ALKBH2: variants seen among roughly 807,000 people sequenced by gnomAD.
The protein encoded by ALKBH2 is alkB homolog 2, alpha-ketoglutarate dependent dioxygenase.
ALKBH2 carries 19 observed loss-of-function variants against 19.7 expected under a neutral mutation model. The ratio of observed to expected loss-of-function variants is 0.97; its 90% CI spans 0.67 to 1.42. The LOEUF (loss-of-function observed/expected upper bound fraction) is 1.42, where lower values mean the gene tolerates loss of function less well. ALKBH2 is among the 40% of genes most tolerant of loss of function. ALKBH2 has a pLI of 0.00. For missense variants in ALKBH2, 310 were observed against 328.5 expected (o/e 0.94, Z 0.43); for synonymous variants, 135 against 131.2 (o/e 1.03, Z -0.20).
At chr12:109,091,130 A>T (rs989330900) in intron 2 of ALKBH2, among the ~76,000 whole-genome samples, 19 of 152,180 alleles carry the variant, frequency 1.2e-4, no homozygotes, top group African/African-American at 4.6e-4. Flanking sequence ...GCGCTGGCTC[A>T]TGCTTGCAAT....
rs1188812368 is a variant in ALKBH2 at position 109,092,700 on chromosome 12, C to T, written c.87G>A (p.Val29=). ...TTGTGCTTTCTTTGTCTCCTCCCAACACAGCTGGCTCTTCTCCAGTTGGCT... is the reference window on the plus strand; with the variant it reads ...TTGTGCTTTCTTTGTCTCCTCCCAATACAGCTGGCTCTTCTCCAGTTGGCT... ...EQEPTGEEPA[V]LGGDKESTRK... The change falls in exon 2 of 4, where the codon GTG becomes GTA. Residue 29 remains valine, a synonymous_variant. Coordinates refer to ENST00000429722, the MANE Select transcript of ALKBH2 (RefSeq NM_001145374.2). 1 of 1,614,238 alleles carries T rather than the reference C, an allele frequency of 6.2e-7. No individual in the cohort carries two copies. The highest frequency in any genetic ancestry group is 1.1e-5 in the South Asian group (1 of 91,090).
intron 3 of ALKBH2, chr12:109,089,746 C>T (rs932104692): frequency 4.9e-5 from 23 of 467,342 alleles, no homozygotes; most frequent in African/African-American, 3.8e-4. Context: ...AAAACCCTGT[C>T]TCAAAAAAAA....
intron 3 of ALKBH2, 38 bp downstream of exon 3, chr12:109,089,971 A>G: frequency 6.2e-7 from 1 of 1,608,872 alleles, no homozygotes; most frequent in Non-Finnish European, 8.5e-7. Context: ...GAGGAGACAG[A>G]AGACTTGTAA....
At position 109,088,770 on chromosome 12, in the gene ALKBH2, A is replaced by T. The variant is rs1471506463; in HGVS notation, c.480-258T>A. Among the ~76,000 whole-genome samples, 1 of 152,244 alleles carries T rather than the reference A, an allele frequency of 6.6e-6. No individual in the cohort carries two copies. The highest frequency in any genetic ancestry group is 6.5e-5 in the Admixed American group (1 of 15,284). ...CGCTCTGTCACCCAGGCTGAAGTGC[A>T]GTGGCACAATCATAGCTCACTGCAG... On this transcript the variant is annotated intron_variant, in intron 3 of 3. Coordinates refer to ENST00000429722, the MANE Select transcript of ALKBH2 (RefSeq NM_001145374.2). This position sits in a 1 kb window ranked among gnomAD's most constrained non-coding sequence, Gnocchi z 4.2.
chr12:109,088,438 G>A lies in ALKBH2; in HGVS notation c.554C>T (p.Ala185Val). 4 of 1,613,544 alleles carry A rather than the reference G, an allele frequency of 2.5e-6. No homozygotes were observed. The highest frequency in any genetic ancestry group is 3.4e-6 in the Non-Finnish European group (4 of 1,179,768). Residue 185 changes from alanine to valine, a missense_variant, in exon 4 of 4, where the codon GCC becomes GTC. Transcript: ENST00000429722. This position sits in a 1 kb window ranked among gnomAD's most constrained non-coding sequence, Gnocchi z 4.2. ...ERELAPGSPIASVSFGACRDF... is the reference protein window; with the variant it reads ...ERELAPGSPIVSVSFGACRDF... ...TCTGCAGGCACCGAAGGAGACAGAGGCAATGGGGCTCCCAGGGGCCAGTTC... is the reference window on the plus strand; with the variant it reads ...TCTGCAGGCACCGAAGGAGACAGAGACAATGGGGCTCCCAGGGGCCAGTTC...
At chr12:109,091,884 C>T (rs1202944983) in intron 2 of ALKBH2, among the ~76,000 whole-genome samples, 3 of 152,192 alleles carry the variant, frequency 2.0e-5, no homozygotes, top group African/African-American at 2.4e-5. Context: ...CTGCCAGATC[C>T]TTGTGTCCTC....
chr12:109,088,360 A>G lies in ALKBH2; in HGVS notation c.632T>C (p.Val211Ala). The G allele has an allele frequency of 1.2e-6, 2 of 1,613,878 alleles. No individual in the cohort carries two copies. The highest frequency in any genetic ancestry group is 1.7e-6 in the Non-Finnish European group (2 of 1,179,976). The change falls in exon 4 of 4, where the codon GTG (valine) becomes GCG (alanine). Residue 211 changes from valine (V) to alanine (A), a missense_variant. Physicochemically the swap from Val to Ala is moderately conservative, Grantham distance 64. Coordinates refer to ENST00000429722, the MANE Select transcript of ALKBH2 (RefSeq NM_001145374.2). The surrounding 1 kb of genome is among the most constrained non-coding windows in gnomAD (Gnocchi z 4.2). ...DSRGKSPSRRVAVVRLPLAHG... is the reference protein window; with the variant it reads ...DSRGKSPSRRAAVVRLPLAHG... ...GGCCAGCGGCAGCCTGACCACCGCC[A>G]CCCTCCTGGAGGGGCTTTTCCCACG...
At chr12:109,093,139 A>T (rs373723833) in intron 1 of ALKBH2, 108 bp downstream of exon 1, 4 of 226,748 alleles carry the variant, frequency 1.8e-5, no homozygotes, top group African/African-American at 9.2e-5. Flanking sequence ...TAGAAACTAC[A>T]ATCCAAACCC....
rs1413922118 is a variant in ALKBH2 at position 109,090,059 on chromosome 12, AT to A, written c.428del (p.Asp143ValfsTer6). On this transcript the variant is annotated frameshift_variant, in exon 3 of 4. Transcript: ENST00000429722. LOFTEE classifies it high-confidence loss of function. ...TCTGTCCAGTCACCCCAGAGACGTG[AT>A]CCCGGATGCGCTCTAGAACTGGGAT... ...PWIPVLERIR[D>X]HVSGVTGQTF... 1 of 1,614,214 alleles carries A rather than the reference AT, an allele frequency of 6.2e-7. No individual in the cohort carries two copies.
chr12:109,088,621 G>T lies in ALKBH2; in HGVS notation c.480-109C>A. ...GTGTGAAACAGCACTCTGCATGGCT[G>T]TACCTGCCGTTGTTTCTGCGAGGGC... On this transcript the variant is annotated intron_variant, in intron 3 of 3. Coordinates refer to ENST00000429722, the MANE Select transcript of ALKBH2 (RefSeq NM_001145374.2). This position sits in a 1 kb window ranked among gnomAD's most constrained non-coding sequence, Gnocchi z 4.2. 9.6e-7 allele frequency: 1 copy of T among 1,038,838 alleles called. No homozygotes were observed. The highest frequency in any genetic ancestry group is 1.4e-6 in the Non-Finnish European group (1 of 732,130). The allele number at this position is 1,038,838 out of a possible 1,614,324, so 64.4% of individuals were successfully genotyped here. A position where few individuals can be genotyped will look rare whatever the true frequency, so the allele number is the denominator to read the frequency against.
At position 109,092,493 on chromosome 12, in the gene ALKBH2, A is replaced by ACACC. The variant is rs1555264105; in HGVS notation, c.280+13_280+14insGGTG. 3.9e-6 allele frequency: 6 copies of ACACC among 1,547,620 alleles called. No homozygotes were observed. In the African/African-American group the frequency reaches 4.1e-5, roughly 11 times the overall value. On this transcript the variant is annotated intron_variant, in intron 2 of 3. Transcript: ENST00000429722. Reference sequence around the variant, plus strand: ...TCAATGCACACACACACACACACACACCCCTCTGCTTACCTGTAAAATATT... The same window carrying ACACC: ...TCAATGCACACACACACACACACACACACCCCCCTCTGCTTACCTGTAAAATATT...
In ALKBH2 at chr12:109,088,319, T is replaced by A; in HGVS notation, c.673A>T (p.Met225Leu). The change falls in exon 4 of 4, where the codon ATG (methionine) becomes TTG (leucine). Residue 225 changes from methionine (M) to leucine (L), a missense_variant. Transcript: ENST00000429722. The surrounding 1 kb of genome is among the most constrained non-coding windows in gnomAD (Gnocchi z 4.2). ...TGCGTGTTGGTCGGGTGGTTCATCA[T>A]TAGTAAGCTCCCGTGGGCCAGCGGC... Reference protein sequence around the residue: ...RLPLAHGSLLMMNHPTNTHWY... With the variant: ...RLPLAHGSLLLMNHPTNTHWY... 6.2e-7 allele frequency: 1 copy of A among 1,614,156 alleles called. No individual in the cohort carries two copies. Among genetic ancestry groups the A allele is most frequent in the Non-Finnish European group, 8.5e-7 (1 of 1,180,022 alleles).
intron 2 of ALKBH2, among the ~76,000 whole-genome samples, chr12:109,090,750 A>G (rs2135864854): frequency 6.6e-6 from 1 of 152,288 alleles, no homozygotes; most frequent in East Asian, 1.9e-4. Context: ...CATGTTGCCT[A>G]GACTGGTCTT....
In ALKBH2 at chr12:109,088,516, C is replaced by A; in HGVS notation, c.480-4G>T. On this transcript the variant is annotated splice_polypyrimidine_tract_variant and splice_region_variant and intron_variant, in intron 3 of 3. Coordinates refer to ENST00000429722, the MANE Select transcript of ALKBH2 (RefSeq NM_001145374.2). The surrounding 1 kb of genome is among the most constrained non-coding windows in gnomAD (Gnocchi z 4.2). ...GTGGTCACAGCCATCTTTATACCTG[C>A]AATGAGAAAACAAACACAGTGCATA... The A allele has an allele frequency of 6.3e-7, 1 of 1,577,990 alleles. No individual in the cohort carries two copies. Among genetic ancestry groups the A allele is most frequent in the Non-Finnish European group, 8.6e-7 (1 of 1,158,500 alleles).
In ALKBH2 at chr12:109,088,548, AC is replaced by A; in HGVS notation, c.480-37del. 2 of 1,535,534 alleles carry A rather than the reference AC, an allele frequency of 1.3e-6. No individual in the cohort carries two copies. Among genetic ancestry groups the A allele is most frequent in the Non-Finnish European group, 8.8e-7 (1 of 1,136,466 alleles). Reference sequence around the variant, plus strand: ...AAAACAAACACAGTGCATAAAAACAACCCTCTCCTGAAACTCACCAGCACCG... The same window carrying A: ...AAAACAAACACAGTGCATAAAAACAACCTCTCCTGAAACTCACCAGCACCG... On this transcript the variant is annotated intron_variant, in intron 3 of 3. Coordinates refer to ENST00000429722, the MANE Select transcript of ALKBH2 (RefSeq NM_001145374.2). The surrounding 1 kb of genome is among the most constrained non-coding windows in gnomAD (Gnocchi z 4.2).
Position 109,092,875 on chromosome 12 carries a change from C to A in ALKBH2, c.-89G>T. The A allele has an allele frequency of 6.6e-7, 1 of 1,515,186 alleles. No individual in the cohort carries two copies. The highest frequency in any genetic ancestry group is 1.3e-5 in the South Asian group (1 of 74,704). The allele number at this position is 1,515,186 out of a possible 1,614,324, so 93.9% of individuals were successfully genotyped here. A position where few individuals can be genotyped will look rare whatever the true frequency, so the allele number is the denominator to read the frequency against. ...ATCCCCAGTGCAAAAATCTGTTTGT[C>A]CAAGGGGTCTCACAGCAACATTCCT... On this transcript the variant is annotated 5_prime_UTR_variant, in exon 2 of 4. Transcript: ENST00000429722.
At position 109,090,120 on chromosome 12, in the gene ALKBH2, G is replaced by A. The variant is rs1171741759; in HGVS notation, c.368C>T (p.Thr123Ile). The change falls in exon 3 of 4, where the codon ACA becomes ATA. Residue 123 changes from threonine (T) to isoleucine (I), a missense_variant. Thr to Ile is a moderately conservative substitution (Grantham distance 89, BLOSUM62 -1). Transcript: ENST00000429722. ...TGGAGACAGCGTGAGGCCTGAAAAT[G>A]TGTAGGTCAGCCCAGCGTCGCCATA... is the stretch of plus-strand genomic sequence containing the variant. ...ATYGDAGLTY[T>I]FSGLTLSPKP... The A allele has an allele frequency of 1.2e-6, 2 of 1,614,206 alleles. No individual in the cohort carries two copies. The highest frequency in any genetic ancestry group is 1.7e-5 in the Admixed American group (1 of 60,024).
At position 109,092,606 on chromosome 12, in the gene ALKBH2, G is replaced by C. The variant is rs774776661; in HGVS notation, c.181C>G (p.Arg61Gly). ...TAACTGCAGTCCAGGCCCTCAGCCC[G>C]AATGTGCCGCCAGCTAGGGCCTGCT... ...HSAGPSWRHIRAEGLDCSYTV... is the reference protein window; with the variant it reads ...HSAGPSWRHIGAEGLDCSYTV... Residue 61 changes from arginine (R) to glycine (G), a missense_variant, in exon 2 of 4, where the codon CGG (arginine) becomes GGG (glycine). By Grantham distance (125) the Arg-to-Gly change is moderately radical (BLOSUM62 -2). Coordinates refer to ENST00000429722, the MANE Select transcript of ALKBH2 (RefSeq NM_001145374.2). The C allele has an allele frequency of 6.2e-7, 1 of 1,614,128 alleles. No homozygotes were observed.
At chr12:109,089,264 C>T (rs2042021018) in intron 3 of ALKBH2, among the ~76,000 whole-genome samples, 1 of 152,214 alleles carries the variant, frequency 6.6e-6, no homozygotes, top group South Asian at 2.1e-4. Flanking sequence ...CTCCAGATGT[C>T]TGTGGCTGGC....
Sources: allele counts gnomAD v4.1 joint callset (sites outside exome capture counted in the v4.1 genomes callset), GRCh38; gene constraint gnomAD v4.1.1; non-coding constraint Gnocchi (gnomAD v3.1); transcripts MANE v1.5; gene names NCBI Gene and HGNC (gene_info 2026-07-23, HGNC 2026-07-21).